The following PARD3 variants were observed in gnomAD, a reference collection of about 807,000 sequenced individuals.
PARD3 encodes the protein par-3 family cell polarity regulator.
PARD3 carries 75 observed loss-of-function variants against 155.4 expected under a neutral mutation model. The observed-to-expected ratio is 0.48, with a 90% confidence interval of 0.40 to 0.58. PARD3 has a LOEUF of 0.58. Among genes scored for constraint, PARD3 ranks in the 20% least tolerant of loss-of-function variants. The probability of loss-of-function intolerance (pLI) is 0.00; values close to 1 mark genes in which losing one functional copy is unlikely to be tolerated. For synonymous variants in PARD3, 576 were observed against 610.5 expected, an observed-to-expected ratio of 0.94 and a Z score of 0.83; for missense variants, 1,642 against 1,721.7, an observed-to-expected ratio of 0.95 and a Z score of 0.82.
chr10:34,245,404 A>C (rs1181810742), intron 22 of PARD3, among the ~76,000 whole-genome samples: 1 of 152,130 alleles, frequency 6.6e-6, no homozygotes. Context: ...TGCCACGCCA[A>C]GTAAGTTGGA....
chr10:34,558,928 C>T (rs561622798), intron 2 of PARD3, among the ~76,000 whole-genome samples: 157 of 152,288 alleles, frequency 1.0e-3, no homozygotes, highest in African/African-American at 3.4e-3. Context: ...GCCTGGGCGA[C>T]AGAGTGAGAC....
chr10:34,182,370 A>C (rs67361109), intron 22 of PARD3, among the ~76,000 whole-genome samples: 18,805 of 152,224 alleles, frequency 0.12, 3,002 homozygotes, highest in African/African-American at 0.37. Flanking sequence ...AAAATGATTT[A>C]ACAAAAAAAG....
chr10:34,455,902 C>T (rs1262895725), intron 4 of PARD3, among the ~76,000 whole-genome samples: 1 of 152,178 alleles, frequency 6.6e-6, no homozygotes, highest in Non-Finnish European at 1.5e-5. Flanking sequence ...GCCAAGTAAT[C>T]TGTTCCTATA....
intron 20 of PARD3, among the ~76,000 whole-genome samples, chr10:34,303,950 G>A (rs1221382687): frequency 6.6e-6 from 1 of 152,140 alleles, no homozygotes; most frequent in Non-Finnish European, 1.5e-5. Flanking sequence ...CAAGATAGAG[G>A]TACAAGGTGG....
intron 5 of PARD3, among the ~76,000 whole-genome samples, chr10:34,444,999 AC>A: frequency 6.6e-6 from 1 of 152,262 alleles, no homozygotes; most frequent in African/African-American, 2.4e-5. Flanking sequence ...TCCAGACCAC[AC>A]GACTAAAGGA....
intron 23 of PARD3, among the ~76,000 whole-genome samples, chr10:34,119,960 C>T (rs553477387): frequency 3.0e-4 from 44 of 147,032 alleles, no homozygotes; most frequent in African/African-American, 1.1e-3. Flanking sequence ...TTGGCTTTGG[C>T]ATGTGGTTTA....
intron 3 of PARD3, among the ~76,000 whole-genome samples, chr10:34,509,630 A>C (rs1207348015): frequency 6.6e-6 from 1 of 152,226 alleles, no homozygotes; most frequent in Non-Finnish European, 1.5e-5. Flanking sequence ...GAAATATTTA[A>C]AGTTAAATAA....
At chr10:34,512,801 C>G (rs933932342) in intron 3 of PARD3, among the ~76,000 whole-genome samples, 1 of 152,034 alleles carries the variant, frequency 6.6e-6, no homozygotes, top group Admixed American at 6.6e-5. Flanking sequence ...TTCTTCTATA[C>G]TAAGAATACT....
At chr10:34,469,104 G>A (rs1272184866) in intron 4 of PARD3, among the ~76,000 whole-genome samples, 2 of 152,142 alleles carry the variant, frequency 1.3e-5, no homozygotes, top group African/African-American at 4.8e-5. Flanking sequence ...TTCTGACAAA[G>A]AGCATCAACA....
At chr10:34,533,220 G>A (rs939098364) in intron 2 of PARD3, among the ~76,000 whole-genome samples, 4 of 152,102 alleles carry the variant, frequency 2.6e-5, no homozygotes, top group African/African-American at 9.7e-5. Context: ...AGTAAACAAT[G>A]TTTTAAGTAC....
chr10:34,563,702 C>T (rs2085693289), intron 2 of PARD3, among the ~76,000 whole-genome samples: 3 of 151,964 alleles, frequency 2.0e-5, no homozygotes, highest in African/African-American at 7.3e-5. Context: ...AGCTAATTTT[C>T]GTATTTTTAG....
chr10:34,634,882 C>G (rs890318176), intron 2 of PARD3, among the ~76,000 whole-genome samples: 2 of 152,188 alleles, frequency 1.3e-5, no homozygotes, highest in African/African-American at 4.8e-5. Context: ...CAGGGGGAAT[C>G]TGAACATGAA....
intron 3 of PARD3, among the ~76,000 whole-genome samples, chr10:34,506,646 TCA>T (rs1268456080): frequency 6.6e-6 from 1 of 152,206 alleles, no homozygotes; most frequent in Non-Finnish European, 1.5e-5. Context: ...ACCGAGGTGA[TCA>T]CTTACATGTT....
At chr10:34,216,091 G>A (rs1387647768) in intron 22 of PARD3, among the ~76,000 whole-genome samples, 1 of 152,152 alleles carries the variant, frequency 6.6e-6, no homozygotes, top group Non-Finnish European at 1.5e-5. Flanking sequence ...TCAGATGGTC[G>A]ACACTTATTT....
Position 34,180,578 on chromosome 10 carries a change from C to T in PARD3, c.3420-48995G>A, listed in dbSNP as rs552306054. On this transcript the variant is annotated intron_variant, in intron 22 of 24. Transcript: ENST00000374788. ...TTTAACACATGAAAAAATTATTAAA[C>T]CATTTCATTTGACTCATACTGTAGT... is the stretch of plus-strand genomic sequence containing the variant. Among the ~76,000 whole-genome samples, 4 of 152,204 alleles carry T rather than the reference C, an allele frequency of 2.6e-5. No homozygotes were observed. In the South Asian group the frequency reaches 8.3e-4, roughly 32 times the overall value.
intron 2 of PARD3, among the ~76,000 whole-genome samples, chr10:34,591,549 A>C (rs1258614341): frequency 6.6e-6 from 1 of 152,200 alleles, no homozygotes; most frequent in Non-Finnish European, 1.5e-5. Context: ...GTAAGAATTA[A>C]AATAGGAGGA....
chr10:34,278,023 C>T (rs1490725605), intron 21 of PARD3, among the ~76,000 whole-genome samples: 1 of 152,170 alleles, frequency 6.6e-6, no homozygotes, highest in Non-Finnish European at 1.5e-5. Flanking sequence ...CTGTAATCAT[C>T]TATTTTAACA....
chr10:34,231,266 CAAAAAAAAAAA>C (rs57175956), intron 22 of PARD3, among the ~76,000 whole-genome samples: 5 of 81,840 alleles, frequency 6.1e-5, no homozygotes, highest in Non-Finnish European at 6.7e-5. Context: ...TAATCTTAGG[CAAAAAAAAAAA>C]AAAAAAAAAA....
intron 15 of PARD3, chr10:34,345,387 C>G: frequency 3.0e-6 from 3 of 985,300 alleles, no homozygotes; most frequent in Non-Finnish European, 3.6e-6. Context: ...GAAAATTCAA[C>G]CTGTTAACAT....
Sources: allele counts gnomAD v4.1 joint callset (sites outside exome capture counted in the v4.1 genomes callset), GRCh38; gene constraint gnomAD v4.1.1; transcripts MANE v1.5; gene names NCBI Gene and HGNC (gene_info 2026-07-23, HGNC 2026-07-21).